ZFHX3: variants seen among roughly 807,000 people sequenced by gnomAD.
The protein encoded by ZFHX3 is zinc finger homeobox protein 3.
A neutral mutation model predicts 279.1 loss-of-function variants in ZFHX3; 42 were observed. The ratio of observed to expected loss-of-function variants is 0.15; its 90% confidence interval spans 0.12 to 0.19. The LOEUF is 0.19. ZFHX3 is among the 10% of genes least tolerant of loss of function. ZFHX3 has a pLI of 1.00. For missense variants in ZFHX3, 4,981 were observed against 4,754.0 expected (o/e 1.05, Z -1.40); for synonymous variants, 2,293 against 1,957.8 (o/e 1.17, Z -4.52).
At chr16:73,064,294 C>T (rs1302342174), upstream of ZFHX3, among the ~76,000 whole-genome samples, 1 of 152,040 alleles carries the variant, frequency 6.6e-6, no homozygotes, top group Non-Finnish European at 1.5e-5. Flanking sequence ...CTGACTCTCA[C>T]TCCAGCTACC....
chr16:73,874,229 A>C (rs924677116), intron 1 of ZFHX3, among the ~76,000 whole-genome samples: 1 of 152,236 alleles, frequency 6.6e-6, no homozygotes, highest in Non-Finnish European at 1.5e-5. Context: ...GTGCATATTT[A>C]GGAAGAAAAA....
chr16:73,140,168 C>T (rs8063951), intron 6 of ZFHX3, among the ~76,000 whole-genome samples: 2,737 of 151,574 alleles, frequency 0.018, 79 homozygotes, highest in African/African-American at 0.062. Context: ...CTTGGGAGGC[C>T]GAGTTGGGAA....
chr16:73,612,998 T>A (rs761062188), intron 2 of ZFHX3, among the ~76,000 whole-genome samples: 1 of 152,004 alleles, frequency 6.6e-6, no homozygotes, highest in Non-Finnish European at 1.5e-5. Context: ...GAGAAAAAAA[T>A]TAGAGGAGAA....
At position 72,785,131 on chromosome 16, in the gene ZFHX3, A is replaced by ATGTT. The variant is rs1342885644; in HGVS notation, c.*2029_*2032dup. 2.0e-5 allele frequency: 3 copies of ATGTT among 152,040 alleles called. No individual in the cohort carries two copies. Among genetic ancestry groups the ATGTT allele is most frequent in the Admixed American group, 1.3e-4 (2 of 15,284 alleles). 9.4% of individuals were successfully genotyped at this position (152,040 alleles called of 1,614,324 possible). A position where few individuals can be genotyped will look rare whatever the true frequency, so the allele number is the denominator to read the frequency against. ...GGGCAAGGGGAGATGGTTTCTGTTG[A>ATGTT]TGTTTAGCTATGAAAGTGAAACAGC... On this transcript the variant is annotated 3_prime_UTR_variant, in exon 10 of 10. Coordinates refer to ENST00000268489, the MANE Select transcript of ZFHX3 (RefSeq NM_006885.4).
intron 2 of ZFHX3, among the ~76,000 whole-genome samples, chr16:72,954,204 T>C (rs541018502): frequency 1.1e-4 from 16 of 152,230 alleles, no homozygotes; most frequent in Admixed American, 4.6e-4. Context: ...ATCCTGTCTC[T>C]ACTGAACACA....
In ZFHX3 at chr16:73,887,932, C is replaced by T. The variant is rs143823695; in HGVS notation, c.-1608+3719G>A. Among the ~76,000 whole-genome samples, 7 of 152,126 alleles carry T rather than the reference C, an allele frequency of 4.6e-5. No homozygotes were observed. The East Asian group carries it at 1.4e-3, about 29-fold the overall frequency. ...CAAGAGAAGATATAAGTGCTAAGTC[C>T]TCATCTTAGGTTGGACTATTTGACC... On this transcript the variant is annotated intron_variant, in intron 1 of 17. Coordinates refer to the ZFHX3 transcript ENST00000641206.
chr16:73,763,579 G>A (rs1002538376), intron 1 of ZFHX3, among the ~76,000 whole-genome samples: 3 of 152,212 alleles, frequency 2.0e-5, no homozygotes, highest in East Asian at 1.9e-4. Context: ...CATTGATGAG[G>A]TATGGAGGAC....
rs1226364869 is a variant in ZFHX3, at chr16:72,784,251, T to TG, written c.*2912dup. ...GAGGGAGGATGGCATAGTAGCTCCA[T>TG]GAAAAAAAAAAACAAAAACAAAAAC... On this transcript the variant is annotated 3_prime_UTR_variant, in exon 10 of 10. Transcript: ENST00000268489. 3 of 129,276 alleles carry TG rather than the reference T, an allele frequency of 2.3e-5. No individual in the cohort carries two copies. The highest frequency in any genetic ancestry group is 9.2e-5 in the African/African-American group (3 of 32,434). The allele number at this position is 129,276 out of a possible 1,614,324, so 8.0% of individuals were successfully genotyped here.
intron 1 of ZFHX3, among the ~76,000 whole-genome samples, chr16:73,779,964 G>A (rs1410036376): frequency 1.3e-5 from 2 of 151,310 alleles, no homozygotes; most frequent in Admixed American, 6.6e-5. Flanking sequence ...TGACCCACCC[G>A]CCTTGGCCTC....
chr16:73,338,869 T>C (rs1449896444), intron 3 of ZFHX3, among the ~76,000 whole-genome samples: 1 of 152,166 alleles, frequency 6.6e-6, no homozygotes, highest in African/African-American at 2.4e-5. Flanking sequence ...GGTGCTGTCC[T>C]CGCCATAGTG....
intron 1 of ZFHX3, among the ~76,000 whole-genome samples, chr16:73,805,229 CACA>C (rs1234736548): frequency 1.3e-5 from 2 of 152,060 alleles, no homozygotes; most frequent in Non-Finnish European, 2.9e-5. Context: ...AGTGCAATGG[CACA>C]ACCTCTGCTC....
intron 8 of ZFHX3, among the ~76,000 whole-genome samples, chr16:73,079,937 C>G (rs1567658744): frequency 1.3e-5 from 2 of 152,174 alleles, no homozygotes; most frequent in Middle Eastern, 3.4e-3. Context: ...CTTGTGAGGT[C>G]ACACAGAGCA....
At chr16:73,672,789 T>C (rs1279198129) in intron 2 of ZFHX3, among the ~76,000 whole-genome samples, 1 of 152,188 alleles carries the variant, frequency 6.6e-6, no homozygotes, top group African/African-American at 2.4e-5. Context: ...TACACTTTTA[T>C]GAATATGAGG....
At chr16:73,651,832 G>T (rs1042408129) in intron 2 of ZFHX3, among the ~76,000 whole-genome samples, 2 of 146,518 alleles carry the variant, frequency 1.4e-5, no homozygotes, top group Non-Finnish European at 3.0e-5. Context: ...TCCAGCCTGG[G>T]TGACAGAGCA....
chr16:73,100,070 C>A (rs1184031590), intron 7 of ZFHX3, among the ~76,000 whole-genome samples: 1 of 152,128 alleles, frequency 6.6e-6, no homozygotes, highest in Non-Finnish European at 1.5e-5. Flanking sequence ...CGAAAGATAC[C>A]TGTGGAGAAG....
At chr16:73,443,880 A>C (rs889448107) in intron 3 of ZFHX3, among the ~76,000 whole-genome samples, 3 of 151,986 alleles carry the variant, frequency 2.0e-5, no homozygotes, top group African/African-American at 4.8e-5. Flanking sequence ...TGAGCCTCAC[A>C]AGTAGCTGGG....
intron 3 of ZFHX3, among the ~76,000 whole-genome samples, chr16:73,416,145 A>G (rs1326314691): frequency 6.7e-6 from 1 of 149,532 alleles, no homozygotes; most frequent in Non-Finnish European, 1.5e-5. Context: ...AAAACAAAAA[A>G]CGGAAAACAA....
intron 4 of ZFHX3, among the ~76,000 whole-genome samples, chr16:72,877,599 C>T (rs554944074): frequency 1.0e-3 from 157 of 152,268 alleles, no homozygotes; most frequent in Non-Finnish European, 2.0e-3. Flanking sequence ...ACGACTCGTC[C>T]TCAAGTTAAA....
intron 1 of ZFHX3, among the ~76,000 whole-genome samples, chr16:73,867,001 ACGT>A (rs1962039248): frequency 6.6e-6 from 1 of 151,848 alleles, no homozygotes; most frequent in African/African-American, 2.4e-5. Context: ...CTGGCATCTC[ACGT>A]CGTCTTGTGC....
Sources: gnomAD v4.1 joint callset for allele counts (sites outside exome capture counted in the v4.1 genomes callset) on GRCh38, gnomAD v4.1.1 for gene constraint, MANE v1.5 for transcripts, NCBI Gene and HGNC (gene_info 2026-07-23, HGNC 2026-07-21) for gene names.